The following DNAJB2 variants were observed in gnomAD, a reference collection of about 807,000 sequenced individuals.
DNAJB2 encodes dnaJ homolog subfamily B member 2.
In DNAJB2, 19 loss-of-function variants were observed where a neutral mutation model predicts 33.3. The ratio of observed to expected loss-of-function variants is 0.57; its 90% CI spans 0.40 to 0.84. The LOEUF (loss-of-function observed/expected upper bound fraction) is 0.84, where lower values mean the gene tolerates loss of function less well. Ranked by LOEUF, DNAJB2 falls within the 40% of genes least tolerant of loss-of-function variation. The probability of loss-of-function intolerance (pLI) is 0.00; values close to 1 mark genes in which losing one functional copy is unlikely to be tolerated. For synonymous variants in DNAJB2, 172 were observed against 164.6 expected (o/e 1.04, Z -0.34); for missense variants, 368 against 430.9 (o/e 0.85, Z 1.29).
chr2:219,281,333 G>A (rs1951902218), intron 3 of DNAJB2: 1 of 229,934 alleles, frequency 4.3e-6, no homozygotes, highest in Non-Finnish European at 8.7e-6. Context: ...TCTGGTGGTT[G>A]TAGAAGGCCT....
At chr2:219,281,881 G>A (rs1278259772) in intron 4 of DNAJB2, 58 bp from the exon 5 acceptor site, 1 of 1,581,020 alleles carries the variant, frequency 6.3e-7, no homozygotes, top group East Asian at 2.4e-5. Context: ...CTTAGGTGAG[G>A]TCCCCCGCTC....
At position 219,285,789 on chromosome 2, in the gene DNAJB2, C is replaced by T. The variant is rs984753966; in HGVS notation, c.*802C>T. 85 of 1,370,962 alleles carry T rather than the reference C, an allele frequency of 6.2e-5. 1 individual carries two copies. The Admixed American group carries it at 2.0e-3, about 32-fold the overall frequency. 84.9% of individuals were successfully genotyped at this position (1,370,962 alleles called of 1,614,324 possible). On this transcript the variant is annotated 3_prime_UTR_variant, in exon 9 of 9. Coordinates refer to ENST00000336576, the MANE Select transcript of DNAJB2 (RefSeq NM_006736.6). ...GGACTAGGCAGAGGTGAGGCTGGCT[C>T]ACCCTGAAGAGGTGGGATAGGACCG...
At chr2:219,282,950 C>T (rs750461301) in intron 6 of DNAJB2, 21 bp downstream of exon 6, 53 of 1,571,080 alleles carry the variant, frequency 3.4e-5, no homozygotes, top group Admixed American at 3.8e-5. Context: ...CCCCTTCCCA[C>T]GTTTGCAAGC....
In DNAJB2 at chr2:219,281,575, C is replaced by T. The variant is rs879033674; in HGVS notation, c.176-143C>T. On this transcript the variant is annotated intron_variant, in intron 3 of 8. Transcript: ENST00000336576. ...TGAGTTGCTGCCTAAACCTATAGCCCGTGTCCCCTGGGTCCCCTGCTGTGC... is the reference window on the plus strand; with the variant it reads ...TGAGTTGCTGCCTAAACCTATAGCCTGTGTCCCCTGGGTCCCCTGCTGTGC... 81 of 1,043,728 alleles carry T rather than the reference C, an allele frequency of 7.8e-5. No individual in the cohort carries two copies. In the East Asian group the frequency reaches 1.6e-3, roughly 20 times the overall value. 64.7% of individuals were successfully genotyped at this position (1,043,728 alleles called of 1,614,324 possible).
At position 219,282,885 on chromosome 2, in the gene DNAJB2, C is replaced by T; in HGVS notation, c.401C>T (p.Ser134Leu). The change falls in exon 6 of 9, where the codon TCA becomes TTA. Residue 134 changes from serine (S) to leucine (L), a missense_variant. By Grantham distance (145) the Ser-to-Leu change is moderately radical. Transcript: ENST00000336576. ...SELQNRGSRHSGPFFTFSSSF... is the reference protein window; with the variant it reads ...SELQNRGSRHLGPFFTFSSSF... ...CTTCAGAACCGGGGTTCCCGACACT[C>T]AGGCCCCTTCTTTACCTTCTCTTCC... The T allele has an allele frequency of 1.2e-6, 2 of 1,607,450 alleles. No individual in the cohort carries two copies. The highest frequency in any genetic ancestry group is 1.7e-6 in the Non-Finnish European group (2 of 1,177,708).
chr2:219,283,022 G>A (rs1951920129), intron 6 of DNAJB2, 93 bp downstream of exon 6: 1 of 1,575,412 alleles, frequency 6.3e-7, no homozygotes, highest in East Asian at 2.2e-5. Flanking sequence ...CCTGTGTTGG[G>A]AGCCCTGCCT....
At chr2:219,280,766 C>G in intron 3 of DNAJB2, 79 bp downstream of exon 3, 2 of 1,045,552 alleles carry the variant, frequency 1.9e-6, no homozygotes, top group South Asian at 2.9e-5. Context: ...AAAGCAATGT[C>G]TCTGCCACCT....
rs1294521496 is a variant in DNAJB2 at position 219,284,613 on chromosome 2, G to A, written c.620-19G>A. ...CCCTGGCTCAGGTTGGGGCCTCATG[G>A]TGGCTGTGACTCTTGCAGGTGTCCC... is the stretch of plus-strand genomic sequence containing the variant. On this transcript the variant is annotated intron_variant, in intron 8 of 8. Coordinates refer to ENST00000336576, the MANE Select transcript of DNAJB2 (RefSeq NM_006736.6). 1.6e-5 allele frequency: 25 copies of A among 1,564,574 alleles called. No individual in the cohort carries two copies. Among genetic ancestry groups the A allele is most frequent in the Non-Finnish European group, 1.4e-5 (16 of 1,149,954 alleles).
chr2:219,280,923 T>C, intron 3 of DNAJB2: 1 of 519,444 alleles, frequency 1.9e-6, no homozygotes, highest in Non-Finnish European at 3.4e-6. Flanking sequence ...TCATGTGAGC[T>C]GAGCCTCCTG....
chr2:219,280,582 C>A lies in DNAJB2; in HGVS notation c.70C>A (p.Arg24=). 6.2e-7 allele frequency: 1 copy of A among 1,613,592 alleles called. No individual in the cohort carries two copies. Among genetic ancestry groups the A allele is most frequent in the East Asian group, 2.2e-5 (1 of 44,882 alleles). The change falls in exon 3 of 9, where the codon CGG becomes AGG. Residue 24 remains arginine, a synonymous_variant. Coordinates refer to ENST00000336576, the MANE Select transcript of DNAJB2 (RefSeq NM_006736.6). ...CTCTGCACCCACTTTCTGCAGGTAT[C>A]GGCGCAAGGCTCTCCAGTGGCACCC... ...ASADDIKKAY[R]RKALQWHPDK... is the part of the protein sequence containing the mutation.
Position 219,280,174 on chromosome 2 carries a change from T to TTCCCC in DNAJB2, c.65+287_65+291dup, listed in dbSNP as rs1574899186. On this transcript the variant is annotated intron_variant, in intron 2 of 8. Transcript: ENST00000336576. ...CCCTCCTCCTCCTCCTCCTCCTCCT[T>TTCCCC]TCCCCTCCCCTCCCCCTTCCCCCTA... The TTCCCC allele has an allele frequency of 1.7e-5, 9 of 522,448 alleles. No individual in the cohort carries two copies. The East Asian group carries it at 3.0e-4, about 18-fold the overall frequency. 32.4% of individuals were successfully genotyped at this position (522,448 alleles called of 1,614,324 possible).
chr2:219,285,363 T>C lies in DNAJB2; in HGVS notation c.*376T>C. ...GGAAGGAGGACTTGGCCTAGGGTTG[T>C]CTGAGCCGGAGCCGGCAGCTCCACT... On this transcript the variant is annotated 3_prime_UTR_variant, in exon 9 of 9. Coordinates refer to ENST00000336576, the MANE Select transcript of DNAJB2 (RefSeq NM_006736.6). 9.8e-7 allele frequency: 1 copy of C among 1,019,796 alleles called. No individual in the cohort carries two copies. Among genetic ancestry groups the C allele is most frequent in the Non-Finnish European group, 1.2e-6 (1 of 852,466 alleles). 63.2% of individuals were successfully genotyped at this position (1,019,796 alleles called of 1,614,324 possible). A position where few individuals can be genotyped will look rare whatever the true frequency, so the allele number is the denominator to read the frequency against.
rs1951886488 is a variant in DNAJB2 at position 219,279,683 on chromosome 2, GC to G, written c.-36-112del. Reference sequence around the variant, plus strand: ...AGCCTAGTCACCGGCCGCAAGCAGAGCCCGGTGTGCTCCGCTTCCAACTGGG... The same window carrying G: ...AGCCTAGTCACCGGCCGCAAGCAGAGCCGGTGTGCTCCGCTTCCAACTGGG... On this transcript the variant is annotated intron_variant, in intron 1 of 8. Coordinates refer to ENST00000336576, the MANE Select transcript of DNAJB2 (RefSeq NM_006736.6). This position sits in a 1 kb window ranked among gnomAD's most constrained non-coding sequence, Gnocchi z 4.9. The G allele has an allele frequency of 3.9e-6, 3 of 764,850 alleles. No individual in the cohort carries two copies. The highest frequency in any genetic ancestry group is 3.5e-5 in the African/African-American group (2 of 57,360). 47.4% of individuals were successfully genotyped at this position (764,850 alleles called of 1,614,324 possible).
chr2:219,285,614 C>T lies in DNAJB2; in HGVS notation c.*627C>T. 9.2e-7 allele frequency: 1 copy of T among 1,087,844 alleles called. No individual in the cohort carries two copies. Among genetic ancestry groups the T allele is most frequent in the Non-Finnish European group, 1.1e-6 (1 of 895,130 alleles). 67.4% of individuals were successfully genotyped at this position (1,087,844 alleles called of 1,614,324 possible). ...CTTCCTTCCTTCCCCGAGAAGGCCT[C>T]AATGTGGCGAGGAAGATGCTGGGGC... On this transcript the variant is annotated 3_prime_UTR_variant, in exon 9 of 9. Transcript: ENST00000336576.
In DNAJB2 at chr2:219,285,977, C is replaced by T. The variant is rs754902866; in HGVS notation, c.*990C>T. On this transcript the variant is annotated 3_prime_UTR_variant, in exon 9 of 9. Coordinates refer to ENST00000336576, the MANE Select transcript of DNAJB2 (RefSeq NM_006736.6). ...TCTCTCCTGTCACCCCGCCCCTGCT[C>T]TCTCCCCAGATGTGTTCTGAGCTGG... 2 of 1,612,546 alleles carry T rather than the reference C, an allele frequency of 1.2e-6. No individual in the cohort carries two copies. Among genetic ancestry groups the T allele is most frequent in the Non-Finnish European group, 1.7e-6 (2 of 1,179,734 alleles).
Position 219,285,041 on chromosome 2 carries a change from T to A in DNAJB2, c.*54T>A. 1 of 1,441,714 alleles carries A rather than the reference T, an allele frequency of 6.9e-7. No individual in the cohort carries two copies. Among genetic ancestry groups the A allele is most frequent in the Non-Finnish European group, 9.2e-7 (1 of 1,091,608 alleles). 89.3% of individuals were successfully genotyped at this position (1,441,714 alleles called of 1,614,324 possible). On this transcript the variant is annotated 3_prime_UTR_variant, in exon 9 of 9. Transcript: ENST00000336576. The stretch of plus-strand genomic sequence containing the variant: ...ATCTTGACTGGGGGGTCTGACTCAC[T>A]GTGGGAAGAGAAGAGGGGAGTATCC...
rs757154933 is a variant in DNAJB2, at chr2:219,279,783, CCTT to C, written c.-36-12_-36-10del. On this transcript the variant is annotated splice_polypyrimidine_tract_variant and intron_variant, in intron 1 of 8. Transcript: ENST00000336576. The surrounding 1 kb of genome is among the most constrained non-coding windows in gnomAD (Gnocchi z 4.9). ...GGCTCTTGGTTCTTTCCGCCTGACT[CCTT>C]CTCTTCTGCAGCCCCAAGGAGGCCC... The C allele has an allele frequency of 7.4e-5, 119 of 1,606,788 alleles. No homozygotes were observed. Among genetic ancestry groups the C allele is most frequent in the Admixed American group, 2.3e-4 (14 of 59,740 alleles).
chr2:219,282,119 C>G (rs941285550), intron 5 of DNAJB2, 58 bp downstream of exon 5: 1 of 1,613,702 alleles, frequency 6.2e-7, no homozygotes, highest in Non-Finnish European at 8.5e-7. Flanking sequence ...GCCTGTCCTT[C>G]CATCAGCTGG....
chr2:219,281,775 G>C lies in DNAJB2; in HGVS notation c.229+4G>C. The C allele has an allele frequency of 6.2e-7, 1 of 1,614,090 alleles. No homozygotes were observed. Among genetic ancestry groups the C allele is most frequent in the Non-Finnish European group, 8.5e-7 (1 of 1,180,040 alleles). On this transcript the variant is annotated splice_donor_region_variant and intron_variant, in intron 4 of 8. Transcript: ENST00000336576. Reference sequence around the variant, plus strand: ...CGGGAAGGGCTGACAGGGACAGGTAGGTGGAGTGGTGAGGCCCAGGAATGG... The same window carrying C: ...CGGGAAGGGCTGACAGGGACAGGTACGTGGAGTGGTGAGGCCCAGGAATGG...
Sources: allele counts gnomAD v4.1 joint callset, GRCh38; gene constraint gnomAD v4.1.1; non-coding constraint Gnocchi (gnomAD v3.1); transcripts MANE v1.5; gene names NCBI Gene and HGNC (gene_info 2026-07-23, HGNC 2026-07-21).